Variants in FITM1 observed in about 807,000 individuals in gnomAD.
FITM1 encodes fat storage-inducing transmembrane protein 1.
In FITM1, 11 loss-of-function variants were observed where a neutral mutation model predicts 22.2. The observed-to-expected ratio is 0.50, with a 90% CI of 0.31 to 0.82. The LOEUF (loss-of-function observed/expected upper bound fraction) is 0.82. Among genes scored for constraint, FITM1 ranks in the 40% least tolerant of loss-of-function variants. The pLI, the probability that FITM1 is intolerant of heterozygous loss-of-function variation, is 0.04. For synonymous variants in FITM1, 164 were observed against 174.0 expected (o/e 0.94, Z 0.45); for missense variants, 394 against 386.4 (o/e 1.02, Z -0.17).
rs909608371 is a variant in FITM1, at chr14:24,132,549, C to T, written c.605C>T (p.Ala202Val). 1.9e-6 allele frequency: 3 copies of T among 1,605,930 alleles called. No homozygotes were observed. Among genetic ancestry groups the T allele is most frequent in the Non-Finnish European group, 2.5e-6 (3 of 1,180,000 alleles). The change falls in exon 2 of 2, where the codon GCT (alanine) becomes GTT (valine). Residue 202 changes from alanine (A) to valine (V), a missense_variant. Physicochemically the swap from Ala to Val is moderately conservative, Grantham distance 64 (BLOSUM62 0). Coordinates refer to ENST00000267426, the MANE Select transcript of FITM1 (RefSeq NM_203402.3). ...FCCLLMAEEA[A>V]VFAKYLAHGL... is the part of the protein sequence containing the mutation. ...TGCCTGCTCATGGCAGAGGAAGCAG[C>T]TGTGTTCGCCAAGTACCTGGCCCAT...
chr14:24,132,092 C>A, intron 1 of FITM1, 119 bp from the exon 2 acceptor site: 2 of 1,417,858 alleles, frequency 1.4e-6, no homozygotes, highest in Non-Finnish European at 1.9e-6. Flanking sequence ...CTGTAAAGGG[C>A]ACGGCAAGGA....
chr14:24,131,780 C>T lies in FITM1; in HGVS notation c.217C>T (p.His73Tyr). 6.2e-7 allele frequency: 1 copy of T among 1,612,106 alleles called. No homozygotes were observed. Among genetic ancestry groups the T allele is most frequent in the Non-Finnish European group, 8.5e-7 (1 of 1,178,980 alleles). The change falls in exon 1 of 2, where the codon CAT (histidine) becomes TAT (tyrosine). Residue 73 changes from histidine (H) to tyrosine (Y), a missense_variant. Physicochemically the swap from His to Tyr is moderately conservative, Grantham distance 83 (BLOSUM62 2). Coordinates refer to ENST00000267426, the MANE Select transcript of FITM1 (RefSeq NM_203402.3). Reference sequence around the variant, plus strand: ...CATCTTTGGGCCGCTTCTGCAGTTCCATGTCAACCCTCGGACTATCTTCGC... The same window carrying T: ...CATCTTTGGGCCGCTTCTGCAGTTCTATGTCAACCCTCGGACTATCTTCGC... ...VVIFGPLLQF[H>Y]VNPRTIFASH... is the part of the protein sequence containing the mutation.
rs1159663151 is a variant in FITM1 at position 24,132,245 on chromosome 14, A to G, written c.301A>G (p.Thr101Ala). The change falls in exon 2 of 2, where the codon ACT (threonine) becomes GCT (alanine). Residue 101 changes from threonine to alanine, a missense_variant. By Grantham distance (58) the Thr-to-Ala change is moderately conservative. Coordinates refer to ENST00000267426, the MANE Select transcript of FITM1 (RefSeq NM_203402.3). The part of the protein sequence containing the change: ...FVNSAWGWTC[T>A]FLGGFVLLVV... ...GAATTCAGCCTGGGGCTGGACATGC[A>G]CTTTCTTAGGGGGCTTTGTGTTGCT... is the stretch of plus-strand genomic sequence containing the variant. The G allele has an allele frequency of 1.2e-5, 20 of 1,612,722 alleles. No individual in the cohort carries two copies. The highest frequency in any genetic ancestry group is 1.7e-5 in the Non-Finnish European group (20 of 1,179,556).
In FITM1 at chr14:24,131,360, C is replaced by A; in HGVS notation, c.-204C>A. ...GTCAGGACACATACTACCACACACC[C>A]GAGGCCAGGACCCTGCTGACGTGGC... is the stretch of plus-strand genomic sequence containing the variant. On this transcript the variant is annotated 5_prime_UTR_variant, in exon 1 of 2. Transcript: ENST00000267426. 1 of 697,106 alleles carries A rather than the reference C, an allele frequency of 1.4e-6. No homozygotes were observed. The allele number at this position is 697,106 out of a possible 1,614,324, so 43.2% of individuals were successfully genotyped here.
rs771324675 is a variant in FITM1 at position 24,132,683 on chromosome 14, A to G, written c.739A>G (p.Thr247Ala). ...TACCGTCATCTATTTCCACCAGTAC[A>G]CTCACAAGGTGGTGGGCGCCGCAGT... ...LCTVIYFHQY[T>A]HKVVGAAVGT... The change falls in exon 2 of 2, where the codon ACT becomes GCT. Residue 247 changes from threonine (T) to alanine (A), a missense_variant. Thr to Ala is a moderately conservative substitution (Grantham distance 58). Transcript: ENST00000267426. The G allele has an allele frequency of 1.1e-5, 18 of 1,613,626 alleles. No homozygotes were observed. Among genetic ancestry groups the G allele is most frequent in the Non-Finnish European group, 1.4e-5 (17 of 1,179,958 alleles).
rs776240056 is a variant in FITM1 at position 24,132,483 on chromosome 14, G to T, written c.539G>T (p.Gly180Val). 2.5e-6 allele frequency: 4 copies of T among 1,604,032 alleles called. No homozygotes were observed. Among genetic ancestry groups the T allele is most frequent in the Non-Finnish European group, 3.4e-6 (4 of 1,179,982 alleles). The change falls in exon 2 of 2, where the codon GGC becomes GTC. Residue 180 changes from glycine to valine, a missense_variant. Coordinates refer to ENST00000267426, the MANE Select transcript of FITM1 (RefSeq NM_203402.3). ...CTGGCAGCCGGCCACCAGTGGCGAG[G>T]CTACACCGTCTCCTCCCACACCTTC... ...SCLAAGHQWR[G>V]YTVSSHTFLL...
intron 1 of FITM1, 165 bp from the exon 2 acceptor site, chr14:24,132,046 C>T (rs2037826170): frequency 1.6e-6 from 2 of 1,214,558 alleles, no homozygotes; most frequent in African/African-American, 1.5e-5. Flanking sequence ...GCTGAATTGT[C>T]TTCCAAGGAG....
Position 24,132,838 on chromosome 14 carries a change from A to G in FITM1, c.*15A>G, listed in dbSNP as rs2037834637. ...AGCATAACTGAAAGAAATAAAAACCATCGGGCCTGGCTGTGGCTCCTCTCA... is the reference window on the plus strand; with the variant it reads ...AGCATAACTGAAAGAAATAAAAACCGTCGGGCCTGGCTGTGGCTCCTCTCA... On this transcript the variant is annotated 3_prime_UTR_variant, in exon 2 of 2. Coordinates refer to ENST00000267426, the MANE Select transcript of FITM1 (RefSeq NM_203402.3). The G allele has an allele frequency of 1.9e-6, 3 of 1,597,438 alleles. No homozygotes were observed. The highest frequency in any genetic ancestry group is 2.2e-5 in the South Asian group (2 of 89,466).
Position 24,131,303 on chromosome 14 carries a change from C to T in FITM1, c.-261C>T. On this transcript the variant is annotated 5_prime_UTR_variant, in exon 1 of 2. Transcript: ENST00000267426. ...ACTGGAACATGGTCGGAGCCAAGGA[C>T]ACAGGACTAACAGGAAAGGACACAG... 1 of 643,496 alleles carries T rather than the reference C, an allele frequency of 1.6e-6. No individual in the cohort carries two copies. The highest frequency in any genetic ancestry group is 2.8e-6 in the Non-Finnish European group (1 of 353,396). The allele number at this position is 643,496 out of a possible 1,614,324, so 39.9% of individuals were successfully genotyped here. A position where few individuals can be genotyped will look rare whatever the true frequency, so the allele number is the denominator to read the frequency against.
chr14:24,132,662 G>A lies in FITM1; in HGVS notation c.718G>A (p.Val240Ile), dbSNP rs146750862. Residue 240 changes from valine to isoleucine, a missense_variant, in exon 2 of 2, where the codon GTC (valine) becomes ATC (isoleucine). By Grantham distance (29) the Val-to-Ile change is conservative. Transcript: ENST00000267426. ...CTGGAACTTCTTGCTGCTCTGTACC[G>A]TCATCTATTTCCACCAGTACACTCA... ...GLWNFLLLCT[V>I]IYFHQYTHKV... The A allele has an allele frequency of 1.0e-4, 168 of 1,613,796 alleles. 2 individuals are homozygous for A. In the Middle Eastern group the frequency reaches 3.0e-3, roughly 29 times the overall value.
rs139067370 is a variant in FITM1 at position 24,132,490 on chromosome 14, C to T, written c.546C>T (p.Thr182=). Reference sequence around the variant, plus strand: ...CCGGCCACCAGTGGCGAGGCTACACCGTCTCCTCCCACACCTTCCTGCTCA... The same window carrying T: ...CCGGCCACCAGTGGCGAGGCTACACTGTCTCCTCCCACACCTTCCTGCTCA... ...LAAGHQWRGY[T]VSSHTFLLTF... Residue 182 remains threonine (T), a synonymous_variant, in exon 2 of 2, where the codon ACC becomes ACT. Coordinates refer to ENST00000267426, the MANE Select transcript of FITM1 (RefSeq NM_203402.3). The T allele has an allele frequency of 1.9e-5, 30 of 1,603,858 alleles. No homozygotes were observed. The African/African-American group carries it at 2.5e-4, about 14-fold the overall frequency.
At position 24,130,691 on chromosome 14, in the gene FITM1, C is replaced by G. The variant is rs1479982701; in HGVS notation, c.-873C>G. Among the ~76,000 whole-genome samples the G allele has an allele frequency of 2.0e-5, 3 of 152,218 alleles. No homozygotes were observed. The highest frequency in any genetic ancestry group is 2.0e-4 in the Admixed American group (3 of 15,282). ...GCCCTGCTGTCGCCGCCTCAGCAGTCAGACTGGGAGGGCAGGCTTATATGG... is the reference window on the plus strand; with the variant it reads ...GCCCTGCTGTCGCCGCCTCAGCAGTGAGACTGGGAGGGCAGGCTTATATGG... On this transcript the variant is annotated 5_prime_UTR_variant, in exon 1 of 2. Coordinates refer to ENST00000267426, the MANE Select transcript of FITM1 (RefSeq NM_203402.3).
In FITM1 at chr14:24,131,724, GC is replaced by G; in HGVS notation, c.163del (p.Leu55SerfsTer35). On this transcript the variant is annotated frameshift_variant, in exon 1 of 2. Coordinates refer to ENST00000267426, the MANE Select transcript of FITM1 (RefSeq NM_203402.3). LOFTEE classifies it high-confidence loss of function. ...CTTCTGGGCAGCCCCTGCTTACGGCGCCTCTACCATGCCTGGCTGGCAGCAG... is the reference window on the plus strand; with the variant it reads ...CTTCTGGGCAGCCCCTGCTTACGGCGCTCTACCATGCCTGGCTGGCAGCAG... ...ARLLGSPCLR[R>X]LYHAWLAAVV... is the part of the protein sequence containing the mutation. 6.2e-7 allele frequency: 1 copy of G among 1,614,162 alleles called. No individual in the cohort carries two copies. Among genetic ancestry groups the G allele is most frequent in the Non-Finnish European group, 8.5e-7 (1 of 1,180,042 alleles).
At position 24,131,171 on chromosome 14, in the gene FITM1, G is replaced by T. The variant is rs2139034300; in HGVS notation, c.-393G>T. 2 of 536,206 alleles carry T rather than the reference G, an allele frequency of 3.7e-6. No individual in the cohort carries two copies. Among genetic ancestry groups the T allele is most frequent in the African/African-American group, 1.9e-5 (1 of 52,466 alleles). 33.2% of individuals were successfully genotyped at this position (536,206 alleles called of 1,614,324 possible). On this transcript the variant is annotated 5_prime_UTR_variant, in exon 1 of 2. An upstream start codon of the reference 5' UTR is lost. Transcript: ENST00000267426. ...AAGGTTTGGTTATTTTTATCTCCAT[G>T]ACCTCTGATTTCCCTGTGGAGCAAA...
intron 1 of FITM1, 86 bp from the exon 2 acceptor site, chr14:24,132,125 G>A: frequency 5.2e-6 from 8 of 1,542,052 alleles, no homozygotes; most frequent in Non-Finnish European, 7.0e-6. Context: ...TGATGTGTAG[G>A]GTTGGGGAGA....
Position 24,131,162 on chromosome 14 carries a change from T to C in FITM1, c.-402T>C. 1 of 529,136 alleles carries C rather than the reference T, an allele frequency of 1.9e-6. No homozygotes were observed. Among genetic ancestry groups the C allele is most frequent in the Non-Finnish European group, 3.3e-6 (1 of 299,404 alleles). 32.8% of individuals were successfully genotyped at this position (529,136 alleles called of 1,614,324 possible). A position where few individuals can be genotyped will look rare whatever the true frequency, so the allele number is the denominator to read the frequency against. On this transcript the variant is annotated 5_prime_UTR_variant, in exon 1 of 2. Transcript: ENST00000267426. ...ACGACTTTCAAGGTTTGGTTATTTT[T>C]ATCTCCATGACCTCTGATTTCCCTG...
At position 24,132,601 on chromosome 14, in the gene FITM1, C is replaced by T; in HGVS notation, c.657C>T (p.Arg219=). Residue 219 remains arginine, a synonymous_variant, in exon 2 of 2, where the codon CGC becomes CGT. Transcript: ENST00000267426. The part of the protein sequence containing the change: ...AHGLPAGAPL[R]LVFLLNVLLL... ...GGCTTCCTGCCGGCGCCCCACTGCG[C>T]CTTGTCTTCCTGCTGAACGTGCTGC... The T allele has an allele frequency of 6.2e-7, 1 of 1,611,710 alleles. No homozygotes were observed. Among genetic ancestry groups the T allele is most frequent in the Non-Finnish European group, 8.5e-7 (1 of 1,180,032 alleles).
At position 24,132,214 on chromosome 14, in the gene FITM1, A is replaced by G. The variant is rs762785323; in HGVS notation, c.270A>G (p.Lys90=). 15 of 1,607,942 alleles carry G rather than the reference A, an allele frequency of 9.3e-6. No individual in the cohort carries two copies. The highest frequency in any genetic ancestry group is 1.3e-5 in the Non-Finnish European group (15 of 1,178,358). ...FASHGNFFNI[K]FVNSAWGWTC... ...AGTCTCCCTTCTTTGCCCACAGAAAATTTGTGAATTCAGCCTGGGGCTGGA... is the reference window on the plus strand; with the variant it reads ...AGTCTCCCTTCTTTGCCCACAGAAAGTTTGTGAATTCAGCCTGGGGCTGGA... The change falls in exon 2 of 2, where the codon AAA becomes AAG. Residue 90 remains lysine (K), a synonymous_variant. Transcript: ENST00000267426.
Position 24,132,222 on chromosome 14 carries a change from A to G in FITM1, c.278A>G (p.Asn93Ser). 1 of 1,608,330 alleles carries G rather than the reference A, an allele frequency of 6.2e-7. No homozygotes were observed. Among genetic ancestry groups the G allele is most frequent in the Non-Finnish European group, 8.5e-7 (1 of 1,178,440 alleles). Reference protein sequence around the residue: ...HGNFFNIKFVNSAWGWTCTFL... With the variant: ...HGNFFNIKFVSSAWGWTCTFL... ...TTCTTTGCCCACAGAAAATTTGTGA[A>G]TTCAGCCTGGGGCTGGACATGCACT... The change falls in exon 2 of 2, where the codon AAT becomes AGT. Residue 93 changes from asparagine (N) to serine (S), a missense_variant. Transcript: ENST00000267426.
Sources: gnomAD v4.1 joint callset for allele counts (sites outside exome capture counted in the v4.1 genomes callset) on GRCh38, gnomAD v4.1.1 for gene constraint, MANE v1.5 for transcripts, NCBI Gene and HGNC (gene_info 2026-07-23, HGNC 2026-07-21) for gene names.